The following RUNX2 variants were observed in gnomAD, a reference collection of about 807,000 sequenced individuals.
RUNX2 encodes runt-related transcription factor 2.
RUNX2 carries 10 observed loss-of-function variants against 51.7 expected under a neutral mutation model. The observed-to-expected ratio is 0.19, with a 90% confidence interval of 0.12 to 0.33. The LOEUF is 0.33. RUNX2 is among the 10% of genes least tolerant of loss of function. The pLI, the probability that RUNX2 is intolerant of heterozygous loss-of-function variation, is 1.00. For missense variants in RUNX2, 562 were observed against 691.3 expected (o/e 0.81, Z 2.10); for synonymous variants, 276 against 273.6 (o/e 1.01, Z -0.09).
intron 7 of RUNX2, among the ~76,000 whole-genome samples, chr6:45,517,649 TACTC>T (rs1253528132): frequency 6.6e-6 from 1 of 152,204 alleles, no homozygotes; most frequent in Non-Finnish European, 1.5e-5. Flanking sequence ...ACTTTTCACT[TACTC>T]AACTGCACAG....
chr6:45,356,721 G>A (rs1391374789), intron 2 of RUNX2, among the ~76,000 whole-genome samples: 1 of 151,768 alleles, frequency 6.6e-6, no homozygotes, highest in African/African-American at 2.4e-5. Context: ...TCATTTCTTT[G>A]GCTGTAATGT....
chr6:45,383,628 A>G lies in RUNX2; in HGVS notation c.59-38965A>G, dbSNP rs545143909. 1.6e-3 allele frequency among the ~76,000 whole-genome samples: 243 copies of G among 152,134 alleles called. 1 individual carries two copies. The highest frequency in any genetic ancestry group is 5.6e-3 in the African/African-American group (233 of 41,530). On this transcript the variant is annotated intron_variant, in intron 2 of 8. Coordinates refer to ENST00000647337, the MANE Select transcript of RUNX2 (RefSeq NM_001024630.4). ...CCCTTGTTTAAAAAAAAAGAAAAAGAAAAATATTTTTTGGTCTATTAATCC... is the reference window on the plus strand; with the variant it reads ...CCCTTGTTTAAAAAAAAAGAAAAAGGAAAATATTTTTTGGTCTATTAATCC...
At chr6:45,545,107 TC>T in intron 7 of RUNX2, 109 bp from the exon 8 acceptor site, 1 of 886,596 alleles carries the variant, frequency 1.1e-6, no homozygotes, top group South Asian at 1.4e-5. Flanking sequence ...TGGGAACCTC[TC>T]TGTCTACCCC....
At chr6:45,509,067 A>G (rs1050507787) in intron 6 of RUNX2, among the ~76,000 whole-genome samples, 1 of 152,134 alleles carries the variant, frequency 6.6e-6, no homozygotes, top group Non-Finnish European at 1.5e-5. Context: ...CATTTACCAT[A>G]TATTATTTAA....
At position 45,346,620 on chromosome 6, in the gene RUNX2, T is replaced by A. The variant is rs1479168950; in HGVS notation, c.58+17836T>A. On this transcript the variant is annotated intron_variant, in intron 2 of 8. Transcript: ENST00000647337. ...TCTCACTCTATTGCCCAGGCCAAAG[T>A]GCAGTGGTGCGATCTCGGCTCACTG... 3.3e-5 allele frequency among the ~76,000 whole-genome samples: 5 copies of A among 150,100 alleles called. No individual in the cohort carries two copies. The East Asian group carries it at 9.9e-4, about 30-fold the overall frequency.
chr6:45,541,233 T>C (rs1202979053), intron 7 of RUNX2, among the ~76,000 whole-genome samples: 1 of 152,196 alleles, frequency 6.6e-6, no homozygotes, highest in Non-Finnish European at 1.5e-5. Context: ...GGAAAACATA[T>C]TCTTTACCAT....
At chr6:45,439,633 A>G (rs1224225285) in intron 5 of RUNX2, among the ~76,000 whole-genome samples, 1 of 151,864 alleles carries the variant, frequency 6.6e-6, no homozygotes, top group African/African-American at 2.4e-5. Context: ...TGCTTTTCTC[A>G]GTTCTTGGAA....
At chr6:45,522,901 C>A (rs990562444) in intron 7 of RUNX2, among the ~76,000 whole-genome samples, 1 of 152,130 alleles carries the variant, frequency 6.6e-6, no homozygotes, top group African/African-American at 2.4e-5. Context: ...TTCTGTTTAC[C>A]TTTATTTCAT....
chr6:45,545,995 G>T (rs1174775237), intron 8 of RUNX2, among the ~76,000 whole-genome samples: 1 of 152,180 alleles, frequency 6.6e-6, no homozygotes, highest in Non-Finnish European at 1.5e-5. Flanking sequence ...AGGATGTGGT[G>T]CTGGGGCCTG....
Position 45,422,812 on chromosome 6 carries a change from T to G in RUNX2, c.278T>G (p.Leu93Trp). Reference protein sequence around the residue: ...AAAAAAAVPRLRPPHDNRTMV... With the variant: ...AAAAAAAVPRWRPPHDNRTMV... ...GCGGCGGCAGCTGCAGTGCCCCGGT[T>G]GCGGCCGCCCCACGACAACCGCACC... The change falls in exon 3 of 9, where the codon TTG becomes TGG. Residue 93 changes from leucine (L) to tryptophan (W), a missense_variant. By Grantham distance (61) the Leu-to-Trp change is moderately conservative. Around this residue, in one of 5 missense-constraint regions of RUNX2, gnomAD observed 153 missense variants for 144.8 expected, o/e 1.06. Coordinates refer to ENST00000647337, the MANE Select transcript of RUNX2 (RefSeq NM_001024630.4). The G allele has an allele frequency of 1.3e-6, 2 of 1,590,258 alleles. No individual in the cohort carries two copies. Among genetic ancestry groups the G allele is most frequent in the East Asian group, 2.4e-5 (1 of 42,126 alleles).
intron 5 of RUNX2, among the ~76,000 whole-genome samples, chr6:45,448,831 A>T (rs748279415): frequency 6.6e-6 from 1 of 152,170 alleles, no homozygotes; most frequent in Admixed American, 6.5e-5. Flanking sequence ...GGCCCAGGAA[A>T]TTATTAGTAG....
Position 45,531,876 on chromosome 6 carries a change from A to AC in RUNX2, c.1022-13341_1022-13340insC, listed in dbSNP as rs1554399862. ...GAAAGGTTGATACAAAAAATCATTT[A>AC]TTTAACTTTGGATAATTCAGATCAA... On this transcript the variant is annotated intron_variant, in intron 7 of 8. Transcript: ENST00000647337. 3.3e-5 allele frequency among the ~76,000 whole-genome samples: 5 copies of AC among 152,182 alleles called. No homozygotes were observed. In the South Asian group the frequency reaches 1.0e-3, roughly 32 times the overall value.
rs563281596 is a variant in RUNX2 at position 45,536,379 on chromosome 6, T to C, written c.1022-8838T>C. On this transcript the variant is annotated intron_variant, in intron 7 of 8. Coordinates refer to ENST00000647337, the MANE Select transcript of RUNX2 (RefSeq NM_001024630.4). ...GATCCTAGATTAACATGGATTGCGT[T>C]AGGCCTGGGGTAGCTGTATCTTTTG... is the stretch of plus-strand genomic sequence containing the variant. Among the ~76,000 whole-genome samples the C allele has an allele frequency of 8.3e-4, 126 of 152,248 alleles. 1 individual carries two copies. Among genetic ancestry groups the C allele is most frequent in the Admixed American group, 8.1e-3 (124 of 15,292 alleles).
At chr6:45,502,600 G>C (rs75748836) in intron 6 of RUNX2, among the ~76,000 whole-genome samples, 1 of 152,078 alleles carries the variant, frequency 6.6e-6, no homozygotes, top group African/African-American at 2.4e-5. Flanking sequence ...CCTCGCCCCC[G>C]TGATCAGCTG....
intron 5 of RUNX2, among the ~76,000 whole-genome samples, chr6:45,457,942 T>C (rs1028741785): frequency 2.0e-5 from 3 of 152,050 alleles, no homozygotes; most frequent in African/African-American, 7.3e-5. Context: ...CACAGGCATA[T>C]GAAGGTTTAA....
chr6:45,348,423 T>C (rs1426220467), intron 2 of RUNX2, among the ~76,000 whole-genome samples: 1 of 150,272 alleles, frequency 6.7e-6, no homozygotes, highest in African/African-American at 2.5e-5. Context: ...TCCCAGCACT[T>C]TGGGAGGCCG....
At chr6:45,367,645 G>A (rs576095080) in intron 2 of RUNX2, among the ~76,000 whole-genome samples, 2 of 152,244 alleles carry the variant, frequency 1.3e-5, no homozygotes, top group African/African-American at 4.8e-5. Context: ...TAAACTCAAA[G>A]AGTAAGTAGT....
chr6:45,541,380 T>C (rs1440677696), intron 7 of RUNX2, among the ~76,000 whole-genome samples: 3 of 152,054 alleles, frequency 2.0e-5, no homozygotes, highest in Non-Finnish European at 2.9e-5. Flanking sequence ...AATTAAATAA[T>C]AGAGCTGTTG....
intron 2 of RUNX2, among the ~76,000 whole-genome samples, chr6:45,361,158 T>A (rs1794186748): frequency 6.6e-6 from 1 of 152,166 alleles, no homozygotes; most frequent in Non-Finnish European, 1.5e-5. Flanking sequence ...GTACAATTTT[T>A]AAAATGTATT....
Sources: gnomAD v4.1 joint callset for allele counts (sites outside exome capture counted in the v4.1 genomes callset) on GRCh38, gnomAD v4.1.1 for gene constraint, gnomAD v4.1.1 regional missense constraint, MANE v1.5 for transcripts, NCBI Gene and HGNC (gene_info 2026-07-23, HGNC 2026-07-21) for gene names.